Variants in HYDIN observed in about 807,000 individuals in gnomAD.
The protein encoded by HYDIN is axonemal central pair apparatus protein HYDIN.
A neutral mutation model predicts 403.9 loss-of-function variants in HYDIN; 132 were observed. The observed-to-expected ratio is 0.33, with a 90% CI of 0.28 to 0.38. The LOEUF (loss-of-function observed/expected upper bound fraction) is 0.38. Ranked by LOEUF, HYDIN falls within the 10% of genes least tolerant of loss-of-function variation. HYDIN has a pLI of 1.00. For synonymous variants in HYDIN, 1,202 were observed against 1,891.7 expected, an observed-to-expected ratio of 0.64 and a Z score of 9.46; for missense variants, 2,827 against 5,009.5, an observed-to-expected ratio of 0.56 and a Z score of 13.15.
chr16:71,039,732 C>T (rs947201825), intron 18 of HYDIN, among the ~76,000 whole-genome samples: 2 of 152,226 alleles, frequency 1.3e-5, no homozygotes, highest in African/African-American at 2.4e-5. Flanking sequence ...CCCCTGAGAG[C>T]CACTTTCATC....
At chr16:71,032,358 G>A (rs2080945882) in intron 18 of HYDIN, among the ~76,000 whole-genome samples, 1 of 139,700 alleles carries the variant, frequency 7.2e-6, no homozygotes, top group Non-Finnish European at 1.5e-5. Flanking sequence ...TTTTTCAAAT[G>A]CAAAATTTCT....
intron 8 of HYDIN, among the ~76,000 whole-genome samples, chr16:71,130,408 T>C (rs1455677751): frequency 6.6e-6 from 1 of 151,504 alleles, no homozygotes; most frequent in Non-Finnish European, 1.5e-5. Flanking sequence ...GTGTTGAGGG[T>C]TAAATGTAAT....
intron 5 of HYDIN, among the ~76,000 whole-genome samples, chr16:71,174,245 C>T (rs956158524): frequency 6.6e-6 from 1 of 152,098 alleles, no homozygotes; most frequent in African/African-American, 2.4e-5. Flanking sequence ...AACCACTCAC[C>T]ACAAGGAGTA....
intron 1 of HYDIN, among the ~76,000 whole-genome samples, chr16:71,202,744 T>G (rs1388649135): frequency 6.6e-6 from 1 of 152,230 alleles, no homozygotes; most frequent in Non-Finnish European, 1.5e-5. Context: ...TTCAAGTTTG[T>G]GTTTTCAATT....
intron 41 of HYDIN, among the ~76,000 whole-genome samples, chr16:70,949,409 G>A (rs2143911326): frequency 6.6e-6 from 1 of 151,948 alleles, no homozygotes; most frequent in Middle Eastern, 3.4e-3. Context: ...GTATACATAT[G>A]TAACTAACCT....
intron 69 of HYDIN, 134 bp from the exon 70 acceptor site, chr16:70,861,035 T>C (rs1394720047): frequency 5.4e-5 from 34 of 633,082 alleles, no homozygotes; most frequent in East Asian, 1.6e-4. Flanking sequence ...TCTTGGTCAA[T>C]AGCATCACTC....
At chr16:70,854,539 C>T (rs1289441829) in intron 73 of HYDIN, among the ~76,000 whole-genome samples, 4 of 151,820 alleles carry the variant, frequency 2.6e-5, no homozygotes, top group African/African-American at 7.3e-5. Flanking sequence ...CTCAGTCTCT[C>T]GAGTAGCTGG....
At chr16:70,984,884 C>T (rs896674516) in intron 28 of HYDIN, among the ~76,000 whole-genome samples, 3 of 151,024 alleles carry the variant, frequency 2.0e-5, no homozygotes, top group African/African-American at 7.3e-5. Flanking sequence ...ACAAGGGCAG[C>T]GTGAAGACAT....
At chr16:71,168,705 G>T (rs1256564877) in intron 5 of HYDIN, among the ~76,000 whole-genome samples, 1 of 152,166 alleles carries the variant, frequency 6.6e-6, no homozygotes, top group Non-Finnish European at 1.5e-5. Flanking sequence ...CAGCCAAGCT[G>T]CAGGGCAGAA....
intron 75 of HYDIN, among the ~76,000 whole-genome samples, chr16:70,848,320 A>G (rs932223964): frequency 2.6e-5 from 4 of 151,994 alleles, no homozygotes; most frequent in Admixed American, 1.3e-4. Flanking sequence ...TAAGTCCAAC[A>G]TCTGGGCTCC....
intron 16 of HYDIN, 113 bp from the exon 17 acceptor site, chr16:71,062,446 T>A (rs2082123401): frequency 9.7e-6 from 8 of 824,462 alleles, no homozygotes. Context: ...AAATGTCTTA[T>A]TATTCAAGCA....
intron 1 of HYDIN, among the ~76,000 whole-genome samples, chr16:71,225,643 C>A (rs184452229): frequency 5.9e-5 from 9 of 152,144 alleles, no homozygotes; most frequent in African/African-American, 2.2e-4. Context: ...AGAGTGAAAT[C>A]TGCTAAAGTC....
intron 47 of HYDIN, among the ~76,000 whole-genome samples, chr16:70,915,099 T>C (rs2076798124): frequency 6.6e-6 from 1 of 151,868 alleles, no homozygotes; most frequent in African/African-American, 2.4e-5. Context: ...GGTTACTCTC[T>C]GATTGGCTTA....
chr16:70,894,799 T>C (rs1597247853), intron 54 of HYDIN, among the ~76,000 whole-genome samples: 1 of 135,654 alleles, frequency 7.4e-6, no homozygotes, highest in African/African-American at 2.8e-5. Flanking sequence ...TTGCCTTTCA[T>C]GTCTACCATC....
chr16:71,212,304 A>G (rs966369876), intron 1 of HYDIN, among the ~76,000 whole-genome samples: 1 of 152,238 alleles, frequency 6.6e-6, no homozygotes, highest in African/African-American at 2.4e-5. Context: ...AAGTGTCATG[A>G]TATCTCCCTT....
At chr16:70,938,247 G>C (rs1173357457) in intron 44 of HYDIN, among the ~76,000 whole-genome samples, 1 of 152,224 alleles carries the variant, frequency 6.6e-6, no homozygotes, top group Non-Finnish European at 1.5e-5. Flanking sequence ...TTGAAGCACC[G>C]AGGCAGTGAG....
At chr16:70,832,698 G>A in intron 80 of HYDIN, 150 bp downstream of exon 80, 1 of 612,618 alleles carries the variant, frequency 1.6e-6, no homozygotes. Flanking sequence ...CAAATGAAGA[G>A]GGGAGAATGA....
chr16:70,995,338 T>C (rs1311418546), intron 23 of HYDIN, among the ~76,000 whole-genome samples: 1 of 152,158 alleles, frequency 6.6e-6, no homozygotes, highest in African/African-American at 2.4e-5. Context: ...CAATCGATAC[T>C]GTTCCAATTC....
intron 1 of HYDIN, among the ~76,000 whole-genome samples, chr16:71,195,896 T>A (rs946072806): frequency 4.6e-5 from 7 of 152,122 alleles, no homozygotes; most frequent in African/African-American, 1.7e-4. Context: ...TGGGAAAGTA[T>A]CAGGTACTGG....
Sources: allele counts gnomAD v4.1 joint callset (sites outside exome capture counted in the v4.1 genomes callset), GRCh38; gene constraint gnomAD v4.1.1; transcripts MANE v1.5; gene names NCBI Gene and HGNC (gene_info 2026-07-23, HGNC 2026-07-21).